The following MFN1 variants were observed in gnomAD, a reference collection of about 807,000 sequenced individuals.
The protein encoded by MFN1 is mitofusin-1.
Under a neutral mutation model 92.4 loss-of-function variants are expected in MFN1, and 65 were observed. The observed-to-expected ratio is 0.70, with a 90% CI of 0.58 to 0.86. The LOEUF is 0.86. Ranked by LOEUF, MFN1 falls within the 40% of genes least tolerant of loss-of-function variation. The pLI is 0.00. For synonymous variants in MFN1, 297 were observed against 300.9 expected (o/e 0.99, Z 0.13); for missense variants, 781 against 868.0 (o/e 0.90, Z 1.26).
chr3:179,357,921 TCA>T (rs1712406155), intron 3 of MFN1, among the ~76,000 whole-genome samples: 1 of 152,202 alleles, frequency 6.6e-6, no homozygotes, highest in East Asian at 1.9e-4. Flanking sequence ...AAATCTTCAC[TCA>T]CATGTCTGGG....
intron 9 of MFN1, among the ~76,000 whole-genome samples, chr3:179,371,757 A>G (rs1427336418): frequency 6.6e-6 from 1 of 152,076 alleles, no homozygotes; most frequent in South Asian, 2.1e-4. Context: ...TGTAATGGAC[A>G]TTCCTGGATG....
intron 9 of MFN1, among the ~76,000 whole-genome samples, chr3:179,374,247 G>C (rs1713133163): frequency 6.7e-6 from 1 of 149,956 alleles, no homozygotes; most frequent in African/African-American, 2.4e-5. Flanking sequence ...AGGTTGCAGT[G>C]AGTCGAGATC....
rs1381211871 is a variant in MFN1 at position 179,351,957 on chromosome 3, T to A, written c.170T>A (p.Met57Lys). ...GCCACTGAAGATGATCTGGTAGAAA[T>A]GCAAGGATATAAAGACAAGCTTTCC... ...RIATEDDLVE[M>K]QGYKDKLSII... Residue 57 changes from methionine to lysine, a missense_variant, in exon 3 of 18, where the codon ATG (methionine) becomes AAG (lysine). Physicochemically the swap from Met to Lys is moderately conservative, Grantham distance 95 (BLOSUM62 -1). Transcript: ENST00000471841. The A allele has an allele frequency of 1.9e-6, 3 of 1,611,228 alleles. No individual in the cohort carries two copies. Among genetic ancestry groups the A allele is most frequent in the Non-Finnish European group, 2.5e-6 (3 of 1,177,892 alleles).
intron 9 of MFN1, 140 bp from the exon 10 acceptor site, chr3:179,375,080 G>A (rs1413473479): frequency 3.2e-6 from 3 of 937,384 alleles, no homozygotes; most frequent in African/African-American, 3.4e-5. Flanking sequence ...GTAATTTTAA[G>A]TTGTGCTTTT....
Position 179,353,220 on chromosome 3 carries a change from A to T in MFN1, c.248+1185A>T, listed in dbSNP as rs1320078718. Among the ~76,000 whole-genome samples the T allele has an allele frequency of 2.5e-3, 333 of 130,904 alleles. 1 individual carries two copies. The highest frequency in any genetic ancestry group is 3.8e-3 in the Admixed American group (49 of 12,850). The allele number at this position is 130,904 out of a possible 152,430, so 85.9% of individuals were successfully genotyped here. ...AGGCGTGTGCTGCCACACCTGGCTA[A>T]TTTTTTTTTTTTTTTTTTGTATTTT... On this transcript the variant is annotated intron_variant, in intron 3 of 17. Coordinates refer to ENST00000471841, the MANE Select transcript of MFN1 (RefSeq NM_033540.3).
intron 3 of MFN1, among the ~76,000 whole-genome samples, chr3:179,355,907 G>A (rs1044397248): frequency 1.3e-5 from 2 of 151,600 alleles, no homozygotes; most frequent in African/African-American, 2.4e-5. Flanking sequence ...AGCTTACATC[G>A]CACCACTGCA....
chr3:179,350,740 C>A (rs1199042842), intron 2 of MFN1, among the ~76,000 whole-genome samples: 1 of 152,092 alleles, frequency 6.6e-6, no homozygotes, highest in Non-Finnish European at 1.5e-5. Context: ...TTTATTAATG[C>A]GTTAGAAAAG....
At chr3:179,358,806 T>G in intron 3 of MFN1, 34 bp from the exon 4 acceptor site, 1 of 1,583,938 alleles carries the variant, frequency 6.3e-7, no homozygotes, top group Non-Finnish European at 8.6e-7. Flanking sequence ...TTTACTGTTA[T>G]GTTTTGTTTT....
At chr3:179,363,007 C>A (rs78758778) in intron 5 of MFN1, among the ~76,000 whole-genome samples, 17,652 of 151,714 alleles carry the variant, frequency 0.12, 1,336 homozygotes, top group Middle Eastern at 0.17. Flanking sequence ...TATCTATGAC[C>A]CAGTCAGTCA....
chr3:179,380,053 A>G (rs995966773), intron 14 of MFN1, among the ~76,000 whole-genome samples: 2 of 152,238 alleles, frequency 1.3e-5, no homozygotes, highest in African/African-American at 4.8e-5. Flanking sequence ...ATTAAAATGA[A>G]CTGAAAATCG....
intron 9 of MFN1, among the ~76,000 whole-genome samples, chr3:179,373,540 T>A (rs911700069): frequency 1.3e-5 from 2 of 152,100 alleles, no homozygotes; most frequent in South Asian, 4.1e-4. Flanking sequence ...TTTTAAAAAA[T>A]TTATCATAGA....
rs762953647 is a variant in MFN1 at position 179,351,880 on chromosome 3, A to G, written c.113-20A>G. 6.3e-7 allele frequency: 1 copy of G among 1,586,194 alleles called. No individual in the cohort carries two copies. ...AATATTCATTTATATCACTTTTCTAATGCCATTTCAATTTTGCAGCAACAT... is the reference window on the plus strand; with the variant it reads ...AATATTCATTTATATCACTTTTCTAGTGCCATTTCAATTTTGCAGCAACAT... On this transcript the variant is annotated intron_variant, in intron 2 of 17. Coordinates refer to ENST00000471841, the MANE Select transcript of MFN1 (RefSeq NM_033540.3).
intron 14 of MFN1, among the ~76,000 whole-genome samples, chr3:179,381,128 G>A (rs1577014362): frequency 1.3e-5 from 2 of 152,124 alleles, no homozygotes; most frequent in East Asian, 3.8e-4. Context: ...CATTGACCTC[G>A]CAGAACAACT....
intron 5 of MFN1, 111 bp from the exon 6 acceptor site, chr3:179,364,186 C>A: frequency 3.2e-6 from 2 of 625,990 alleles, no homozygotes; most frequent in South Asian, 2.7e-5. Flanking sequence ...CAGATGACAG[C>A]TGGAAATCCT....
chr3:179,370,392 C>CTTTTTTTTTTTT lies in MFN1; in HGVS notation c.975+2301_975+2312dup, dbSNP rs34938438. ...TTTTTGGGGTTTCATTCACTAAGTT[C>CTTTTTTTTTTTT]TTTTTTTTTTTTTTTTTTTTTTTGA... On this transcript the variant is annotated intron_variant, in intron 9 of 17. Transcript: ENST00000471841. 8.4e-4 allele frequency among the ~76,000 whole-genome samples: 74 copies of CTTTTTTTTTTTT among 88,076 alleles called. 6 individuals are homozygous for CTTTTTTTTTTTT. The highest frequency in any genetic ancestry group is 2.3e-3 in the Admixed American group (14 of 6,202). 57.8% of individuals were successfully genotyped at this position (88,076 alleles called of 152,430 possible).
chr3:179,384,067 T>C lies in MFN1; in HGVS notation c.1663-1502T>C, dbSNP rs185235848. On this transcript the variant is annotated intron_variant, in intron 14 of 17. Transcript: ENST00000471841. Reference sequence around the variant, plus strand: ...TGGAGGTTTCCTATAAATGCAATCATATAGAATGTGGCCTTATATGACTGG... The same window carrying C: ...TGGAGGTTTCCTATAAATGCAATCACATAGAATGTGGCCTTATATGACTGG... Among the ~76,000 whole-genome samples, 204 of 152,332 alleles carry C rather than the reference T, an allele frequency of 1.3e-3. 1 individual carries two copies. Among genetic ancestry groups the C allele is most frequent in the African/African-American group, 4.5e-3 (188 of 41,566 alleles).
At position 179,370,898 on chromosome 3, in the gene MFN1, T is replaced by C. The variant is rs190671139; in HGVS notation, c.975+2795T>C. 3.0e-4 allele frequency among the ~76,000 whole-genome samples: 45 copies of C among 152,332 alleles called. No individual in the cohort carries two copies. In the East Asian group the frequency reaches 6.7e-3, roughly 23 times the overall value. On this transcript the variant is annotated intron_variant, in intron 9 of 17. Coordinates refer to ENST00000471841, the MANE Select transcript of MFN1 (RefSeq NM_033540.3). ...GCATTTCCTTATCAATATAAGACTTTTTAAAATTCAAGTGTTTTGATTCAT... is the reference window on the plus strand; with the variant it reads ...GCATTTCCTTATCAATATAAGACTTCTTAAAATTCAAGTGTTTTGATTCAT...
chr3:179,391,267 A>C (rs1387107604), intron 17 of MFN1, among the ~76,000 whole-genome samples: 3 of 152,200 alleles, frequency 2.0e-5, no homozygotes, highest in Non-Finnish European at 4.4e-5. Flanking sequence ...TATTGGCATT[A>C]GTCATGTAGC....
chr3:179,348,740 A>C (rs772715781), intron 1 of MFN1, 105 bp from the exon 2 acceptor site: 1 of 1,492,198 alleles, frequency 6.7e-7, no homozygotes, highest in South Asian at 1.3e-5. Flanking sequence ...TTTTGCCAGC[A>C]TAATTTATTT....
Sources: gnomAD v4.1 joint callset for allele counts (sites outside exome capture counted in the v4.1 genomes callset) on GRCh38, gnomAD v4.1.1 for gene constraint, MANE v1.5 for transcripts, NCBI Gene and HGNC (gene_info 2026-07-23, HGNC 2026-07-21) for gene names.